EYS: variants seen among roughly 807,000 people sequenced by gnomAD.
The protein encoded by EYS is protein eyes shut homolog.
In EYS, 250 loss-of-function variants were observed where a neutral mutation model predicts 282.1. The observed-to-expected ratio is 0.89, with a 90% CI of 0.80 to 0.98. EYS has a LOEUF of 0.98. Among genes scored for constraint, EYS ranks in the 50% least tolerant of loss-of-function variants. The pLI, the probability that EYS is intolerant of heterozygous loss-of-function variation, is 0.00. For missense variants in EYS, 4,016 were observed against 3,709.0 expected (o/e 1.08, Z -2.15); for synonymous variants, 1,355 against 1,282.9 (o/e 1.06, Z -1.20).
chr6:65,186,035 T>A (rs1217616356), intron 12 of EYS, among the ~76,000 whole-genome samples: 1 of 151,558 alleles, frequency 6.6e-6, no homozygotes, highest in Non-Finnish European at 1.5e-5. Flanking sequence ...TCCCTACAAT[T>A]CCCGAACTAT....
chr6:65,005,590 C>T (rs766583192), intron 13 of EYS, among the ~76,000 whole-genome samples: 3 of 147,412 alleles, frequency 2.0e-5, no homozygotes, highest in South Asian at 2.2e-4. Flanking sequence ...AGGAAAATAC[C>T]GGGCACCTGT....
At chr6:64,038,712 C>T (rs1770240701) in intron 33 of EYS, among the ~76,000 whole-genome samples, 3 of 151,528 alleles carry the variant, frequency 2.0e-5, no homozygotes, top group Non-Finnish European at 2.9e-5. Flanking sequence ...AATTCTTATT[C>T]TGAAGATGTC....
intron 31 of EYS, among the ~76,000 whole-genome samples, chr6:64,088,349 A>T (rs1456163661): frequency 6.6e-6 from 1 of 152,082 alleles, no homozygotes; most frequent in African/African-American, 2.4e-5. Flanking sequence ...TATTACTTAT[A>T]GTATTGAATT....
At chr6:64,774,934 AT>A (rs1260787301) in intron 22 of EYS, among the ~76,000 whole-genome samples, 2 of 151,972 alleles carry the variant, frequency 1.3e-5, no homozygotes, top group Admixed American at 1.3e-4. Context: ...ATTTGCAACT[AT>A]TTCATGTTTA....
intron 28 of EYS, among the ~76,000 whole-genome samples, chr6:64,432,393 ACT>A (rs1171434905): frequency 2.6e-5 from 4 of 151,776 alleles, no homozygotes; most frequent in Non-Finnish European, 4.4e-5. Context: ...GCCTAACTTA[ACT>A]CTCTTTTAAT....
At chr6:64,418,700 G>A (rs1162955930) in intron 28 of EYS, among the ~76,000 whole-genome samples, 1 of 152,056 alleles carries the variant, frequency 6.6e-6, no homozygotes, top group African/African-American at 2.4e-5. Flanking sequence ...TATATGTCTT[G>A]CATACCTGAG....
chr6:63,957,003 A>G (rs186422599), intron 35 of EYS, among the ~76,000 whole-genome samples: 209 of 152,332 alleles, frequency 1.4e-3, no homozygotes, highest in Non-Finnish European at 2.4e-3. Flanking sequence ...CATTTTCTGG[A>G]GTGTCCTTTT....
At chr6:64,311,228 G>A (rs1220655455) in intron 29 of EYS, among the ~76,000 whole-genome samples, 1 of 151,930 alleles carries the variant, frequency 6.6e-6, no homozygotes, top group East Asian at 1.9e-4. Flanking sequence ...ATAATAATCA[G>A]GTTAATTAGG....
At chr6:65,036,240 T>C (rs1273741597) in intron 13 of EYS, among the ~76,000 whole-genome samples, 3 of 152,038 alleles carry the variant, frequency 2.0e-5, no homozygotes, top group South Asian at 2.1e-4. Context: ...AAGGACTCCC[T>C]ATTCAATAAA....
chr6:64,817,649 T>C (rs1764778089), intron 21 of EYS, among the ~76,000 whole-genome samples: 1 of 152,278 alleles, frequency 6.6e-6, no homozygotes, highest in East Asian at 1.9e-4. Flanking sequence ...GTCCCATGTT[T>C]ATCTCCATAG....
At chr6:65,407,668 T>C (rs1364649782) in intron 5 of EYS, among the ~76,000 whole-genome samples, 1 of 152,040 alleles carries the variant, frequency 6.6e-6, no homozygotes, top group East Asian at 1.9e-4. Flanking sequence ...GGGGATTCCT[T>C]AGGATTTTCT....
chr6:64,476,281 T>C (rs541780913), intron 26 of EYS, among the ~76,000 whole-genome samples: 21 of 152,292 alleles, frequency 1.4e-4, no homozygotes, highest in African/African-American at 4.3e-4. Context: ...TGCATGCTTC[T>C]ATAGCATGAG....
chr6:65,099,089 T>C (rs1003090524), intron 12 of EYS, among the ~76,000 whole-genome samples: 1 of 150,616 alleles, frequency 6.6e-6, no homozygotes, highest in African/African-American at 2.4e-5. Context: ...AGAATATATA[T>C]CTATATATAT....
intron 35 of EYS, among the ~76,000 whole-genome samples, chr6:63,881,166 C>G (rs549745587): frequency 1.3e-5 from 2 of 152,250 alleles, no homozygotes; most frequent in South Asian, 2.1e-4. Context: ...TAAGATTTCA[C>G]TATTTGGGGG....
chr6:64,791,514 A>G (rs1194590570), intron 22 of EYS, among the ~76,000 whole-genome samples: 1 of 151,876 alleles, frequency 6.6e-6, no homozygotes, highest in Non-Finnish European at 1.5e-5. Context: ...TAAAAGCAAC[A>G]TTTTCATGAG....
intron 30 of EYS, among the ~76,000 whole-genome samples, chr6:64,249,837 T>C (rs1330816936): frequency 6.6e-6 from 1 of 152,182 alleles, no homozygotes; most frequent in Non-Finnish European, 1.5e-5. Context: ...ACCCCTTCAA[T>C]GTCCTTCCAT....
intron 15 of EYS, among the ~76,000 whole-genome samples, chr6:64,938,802 T>C (rs1029869628): frequency 2.0e-5 from 3 of 151,664 alleles, no homozygotes; most frequent in Non-Finnish European, 4.4e-5. Context: ...TTTTTGTCAA[T>C]ATACAATGGG....
rs182496866 is a variant in EYS, at chr6:65,491,429, T to C, written c.749-722A>G. On this transcript the variant is annotated intron_variant, in intron 4 of 42. Coordinates refer to ENST00000503581, the MANE Select transcript of EYS (RefSeq NM_001142800.2). ...CAAATGCTGTTACAAACCAACTGCA[T>C]GTAATTTGGCAATATGTTTTTTTCC... is the stretch of plus-strand genomic sequence containing the variant. 172 of 312,370 alleles carry C rather than the reference T, an allele frequency of 5.5e-4. 2 individuals are homozygous for C. Among genetic ancestry groups the C allele is most frequent in the African/African-American group, 3.5e-3 (161 of 45,984 alleles). The allele number at this position is 312,370 out of a possible 1,614,324, so 19.3% of individuals were successfully genotyped here. A position where few individuals can be genotyped will look rare whatever the true frequency, so the allele number is the denominator to read the frequency against.
At chr6:65,506,561 C>A (rs1582390525) in intron 2 of EYS, among the ~76,000 whole-genome samples, 1 of 135,616 alleles carries the variant, frequency 7.4e-6, no homozygotes, top group East Asian at 2.4e-4. Context: ...TCACTGTAAC[C>A]TTGATCTCCT....
Sources: allele counts gnomAD v4.1 joint callset (sites outside exome capture counted in the v4.1 genomes callset), GRCh38; gene constraint gnomAD v4.1.1; transcripts MANE v1.5; gene names NCBI Gene and HGNC (gene_info 2026-07-23, HGNC 2026-07-21).